The following PSD3 variants were observed in gnomAD, a reference collection of about 807,000 sequenced individuals.
The protein encoded by PSD3 is pleckstrin and Sec7 domain containing 3, also known as PH and SEC7 domain-containing protein 3.
A neutral mutation model predicts 105.5 loss-of-function variants in PSD3; 49 were observed. That is an observed-to-expected ratio of 0.46 (90% CI 0.37 to 0.59). PSD3 has a LOEUF of 0.59. PSD3 is among the 20% of genes least tolerant of loss of function. The pLI, the probability that PSD3 is intolerant of heterozygous loss-of-function variation, is 0.00. For missense variants in PSD3, 1,561 were observed against 1,263.8 expected (o/e 1.24, Z -3.57); for synonymous variants, 557 against 457.8 (o/e 1.22, Z -2.77).
Position 18,867,743 on chromosome 8 carries a change from G to A in PSD3, c.1565C>T (p.Thr522Ile), listed in dbSNP as rs199505605. ...GTCGCTGGCATCATTCAGCCCATTGGTGACGCCACTAGAATAGCCCATCAC... is the reference window on the plus strand; with the variant it reads ...GTCGCTGGCATCATTCAGCCCATTGATGACGCCACTAGAATAGCCCATCAC... ...GIVMGYSSGVTNGLNDASDSI... is the reference protein window; with the variant it reads ...GIVMGYSSGVINGLNDASDSI... The change falls in exon 4 of 16, where the codon ACC becomes ATC. Residue 522 changes from threonine (T) to isoleucine (I), a missense_variant. Coordinates refer to ENST00000327040, the MANE Select transcript of PSD3 (RefSeq NM_015310.4). 1.4e-4 allele frequency: 234 copies of A among 1,614,104 alleles called. 1 individual carries two copies. The African/African-American group carries it at 3.0e-3, about 20-fold the overall frequency.
At chr8:18,858,320 G>T (rs1044282442) in intron 4 of PSD3, among the ~76,000 whole-genome samples, 1 of 152,196 alleles carries the variant, frequency 6.6e-6, no homozygotes, top group Non-Finnish European at 1.5e-5. Context: ...GCTAAAAAAT[G>T]CTAATGATCA....
intron 2 of PSD3, among the ~76,000 whole-genome samples, chr8:18,915,811 T>C (rs913224972): frequency 6.6e-6 from 1 of 151,974 alleles, no homozygotes. Context: ...AAAATAAAAA[T>C]AGGGCAGGCA....
intron 9 of PSD3, among the ~76,000 whole-genome samples, chr8:18,655,998 C>T (rs1808865179): frequency 6.6e-6 from 1 of 152,192 alleles, no homozygotes; most frequent in Non-Finnish European, 1.5e-5. Context: ...TGCTATTTCT[C>T]ATATTGAAAA....
chr8:18,612,627 C>A (rs1805351741), intron 11 of PSD3, among the ~76,000 whole-genome samples: 1 of 152,154 alleles, frequency 6.6e-6, no homozygotes, highest in Non-Finnish European at 1.5e-5. Context: ...GCCTCGGCCT[C>A]CCAAAGTGCT....
intron 15 of PSD3, among the ~76,000 whole-genome samples, chr8:18,555,613 GT>G (rs1188808327): frequency 2.0e-5 from 3 of 152,156 alleles, no homozygotes; most frequent in African/African-American, 7.2e-5. Context: ...GAAATATACT[GT>G]TTTCAACTTG....
intron 4 of PSD3, among the ~76,000 whole-genome samples, chr8:18,835,197 T>TA (rs1241310166): frequency 6.6e-6 from 1 of 152,190 alleles, no homozygotes; most frequent in East Asian, 1.9e-4. Context: ...ATTATATGTC[T>TA]AAGCATTTAT....
At chr8:18,768,425 C>G (rs1384409898) in intron 8 of PSD3, among the ~76,000 whole-genome samples, 4 of 152,116 alleles carry the variant, frequency 2.6e-5, no homozygotes, top group South Asian at 4.2e-4. Context: ...GGGTAACATC[C>G]CTCTCTAGAA....
At chr8:18,539,832 C>G (rs1420035232) in intron 15 of PSD3, among the ~76,000 whole-genome samples, 1 of 152,108 alleles carries the variant, frequency 6.6e-6, no homozygotes, top group Non-Finnish European at 1.5e-5. Flanking sequence ...AAGCGTGAGG[C>G]ACCACACTCG....
intron 1 of PSD3, among the ~76,000 whole-genome samples, chr8:19,001,440 G>A (rs1826388210): frequency 1.3e-5 from 2 of 150,416 alleles, no homozygotes; most frequent in South Asian, 2.1e-4. Flanking sequence ...CCACCAGAGC[G>A]GTACATTTGT....
At chr8:18,644,009 C>G (rs368812742) in intron 10 of PSD3, among the ~76,000 whole-genome samples, 1 of 152,156 alleles carries the variant, frequency 6.6e-6, no homozygotes, top group South Asian at 2.1e-4. Flanking sequence ...ACTGAGGGGG[C>G]TCTGGTGGAG....
chr8:19,041,785 TC>T (rs1311008806), intron 1 of PSD3, among the ~76,000 whole-genome samples: 1 of 152,244 alleles, frequency 6.6e-6, no homozygotes, highest in Non-Finnish European at 1.5e-5. Flanking sequence ...GCAAAAGTTT[TC>T]TGACGCATTA....
At chr8:19,034,928 C>A (rs1827892721) in intron 1 of PSD3, among the ~76,000 whole-genome samples, 1 of 151,896 alleles carries the variant, frequency 6.6e-6, no homozygotes, top group Non-Finnish European at 1.5e-5. Flanking sequence ...ACGAACAGAT[C>A]CCTCTGTTAA....
chr8:18,773,893 T>C (rs554634178), intron 8 of PSD3, among the ~76,000 whole-genome samples: 2 of 152,314 alleles, frequency 1.3e-5, no homozygotes, highest in African/African-American at 4.8e-5. Flanking sequence ...CTATAAAAGA[T>C]CTTTCCACTT....
At chr8:18,571,766 C>A (rs757511077) in intron 14 of PSD3, among the ~76,000 whole-genome samples, 5 of 152,138 alleles carry the variant, frequency 3.3e-5, no homozygotes, top group Non-Finnish European at 7.4e-5. Context: ...AACACTTGGT[C>A]GATCATAGTA....
intron 4 of PSD3, among the ~76,000 whole-genome samples, chr8:18,862,755 A>G (rs1184700851): frequency 6.6e-6 from 1 of 152,090 alleles, no homozygotes; most frequent in Non-Finnish European, 1.5e-5. Context: ...CACTTCAACA[A>G]ATTTCTACTT....
intron 11 of PSD3, among the ~76,000 whole-genome samples, chr8:18,616,663 GC>G (rs1805704712): frequency 7.9e-6 from 1 of 126,580 alleles, no homozygotes; most frequent in South Asian, 2.8e-4. Context: ...TCGCTCTGTC[GC>G]CCAGGCTGGA....
chr8:18,618,637 A>T (rs1563385524), intron 11 of PSD3, among the ~76,000 whole-genome samples: 1 of 152,076 alleles, frequency 6.6e-6, no homozygotes, highest in East Asian at 1.9e-4. Flanking sequence ...ACACCATAAC[A>T]GGTATTAGCC....
intron 9 of PSD3, among the ~76,000 whole-genome samples, chr8:18,671,884 G>A (rs150677281): frequency 0.03 from 4,631 of 152,148 alleles, 241 homozygotes; most frequent in African/African-American, 0.11. Context: ...GCCCGCCTTG[G>A]CCTCCCAAAG....
chr8:18,608,616 G>A (rs1805035342), intron 11 of PSD3, among the ~76,000 whole-genome samples: 1 of 152,124 alleles, frequency 6.6e-6, no homozygotes, highest in African/African-American at 2.4e-5. Context: ...ATAATATTTT[G>A]GCTTTAGTTA....
Sources: allele counts gnomAD v4.1 joint callset (sites outside exome capture counted in the v4.1 genomes callset), GRCh38; gene constraint gnomAD v4.1.1; transcripts MANE v1.5; gene names NCBI Gene and HGNC (gene_info 2026-07-23, HGNC 2026-07-21).